The following POLR2B variants were observed in gnomAD, a reference collection of about 807,000 sequenced individuals.
POLR2B encodes the protein DNA-directed RNA polymerase II subunit RPB2.
In POLR2B, 57 loss-of-function variants were observed where a neutral mutation model predicts 144.6. The observed-to-expected ratio is 0.39, with a 90% CI of 0.32 to 0.49. The LOEUF (loss-of-function observed/expected upper bound fraction) is 0.49. POLR2B is among the 20% of genes least tolerant of loss of function. The pLI is 0.83. For synonymous variants in POLR2B, 442 were observed against 469.8 expected, an observed-to-expected ratio of 0.94 and a Z score of 0.77; for missense variants, 595 against 1,467.4, an observed-to-expected ratio of 0.41 and a Z score of 9.71.
At chr4:56,995,168 A>T in intron 5 of POLR2B, 83 bp from the exon 6 acceptor site, 1 of 1,002,476 alleles carries the variant, frequency 1.0e-6, no homozygotes, top group Non-Finnish European at 1.5e-6. Context: ...TGGTCAGATT[A>T]AATTAAGATG....
At chr4:56,989,365 A>G (rs1722439236) in intron 2 of POLR2B, among the ~76,000 whole-genome samples, 1 of 152,234 alleles carries the variant, frequency 6.6e-6, no homozygotes, top group African/African-American at 2.4e-5. Flanking sequence ...TTTCTTTCCC[A>G]TTATGTGACA....
intron 7 of POLR2B, among the ~76,000 whole-genome samples, chr4:57,000,843 G>A (rs1268132886): frequency 6.6e-6 from 1 of 151,920 alleles, no homozygotes; most frequent in East Asian, 2.0e-4. Flanking sequence ...CTACAGGCAC[G>A]TGCCACCACG....
intron 14 of POLR2B, among the ~76,000 whole-genome samples, chr4:57,016,666 A>T (rs540601409): frequency 6.6e-6 from 1 of 150,800 alleles, no homozygotes; most frequent in East Asian, 1.9e-4. Flanking sequence ...GCTGCTTTAA[A>T]TATTTATTTT....
chr4:56,985,401 G>A (rs1226133964), intron 1 of POLR2B: 3 of 985,190 alleles, frequency 3.0e-6, no homozygotes, highest in Non-Finnish European at 3.6e-6. Context: ...GTGCTGTGGC[G>A]AGGCGGGGAT....
chr4:56,996,911 A>T (rs1287807853), intron 6 of POLR2B, among the ~76,000 whole-genome samples: 1 of 151,904 alleles, frequency 6.6e-6, no homozygotes, highest in Non-Finnish European at 1.5e-5. Flanking sequence ...ATGGCAAAAC[A>T]CTTTCTCTAG....
intron 7 of POLR2B, among the ~76,000 whole-genome samples, chr4:57,001,585 T>C (rs768957371): frequency 6.6e-6 from 1 of 152,232 alleles, no homozygotes; most frequent in Non-Finnish European, 1.5e-5. Context: ...ATGCACTTTT[T>C]TGGCAGAAAA....
chr4:57,018,188 GA>G (rs1048846689), intron 16 of POLR2B, among the ~76,000 whole-genome samples: 13 of 152,160 alleles, frequency 8.5e-5, no homozygotes, highest in African/African-American at 2.9e-4. Flanking sequence ...ATTTTATTTT[GA>G]AAATGGAGAC....
intron 5 of POLR2B, 64 bp downstream of exon 5, chr4:56,994,930 G>GAAA: frequency 1.5e-5 from 11 of 728,348 alleles, no homozygotes; most frequent in South Asian, 4.1e-5. Flanking sequence ...AAGTTGAAAT[G>GAAA]AAAAAAAAAA....
intron 7 of POLR2B, among the ~76,000 whole-genome samples, chr4:57,002,381 T>C (rs920395340): frequency 2.0e-5 from 3 of 152,150 alleles, no homozygotes; most frequent in African/African-American, 7.2e-5. Context: ...TTTATGTATG[T>C]TGTCTTTTTG....
At chr4:56,985,428 GC>G in intron 1 of POLR2B, 1 of 984,898 alleles carries the variant, frequency 1.0e-6, no homozygotes, top group African/African-American at 1.7e-5. Flanking sequence ...CCCCCCCGCC[GC>G]CCCGTGGGGC....
intron 1 of POLR2B, chr4:56,985,457 G>C: frequency 1.0e-6 from 1 of 985,478 alleles, no homozygotes; most frequent in Non-Finnish European, 1.2e-6. Context: ...ACTTTCGGGC[G>C]GTGAGTGAGA....
At chr4:56,999,569 C>G (rs756610399) in intron 6 of POLR2B, 48 bp from the exon 7 acceptor site, 2 of 1,247,286 alleles carry the variant, frequency 1.6e-6, no homozygotes, top group Non-Finnish European at 2.3e-6. Context: ...TTTTATATTG[C>G]TGTGAGCTTT....
intron 23 of POLR2B, among the ~76,000 whole-genome samples, chr4:57,029,501 T>C (rs1448749258): frequency 1.3e-5 from 2 of 152,172 alleles, no homozygotes; most frequent in East Asian, 3.8e-4. Flanking sequence ...ATAAACCCAT[T>C]GGTTTTATTT....
Position 57,031,007 on chromosome 4 carries a change from C to G in POLR2B, c.*19C>G, listed in dbSNP as rs1370989812. 1 of 1,389,568 alleles carries G rather than the reference C, an allele frequency of 7.2e-7. No individual in the cohort carries two copies. Among genetic ancestry groups the G allele is most frequent in the African/African-American group, 1.4e-5 (1 of 70,502 alleles). The allele number at this position is 1,389,568 out of a possible 1,614,324, so 86.1% of individuals were successfully genotyped here. On this transcript the variant is annotated 3_prime_UTR_variant, in exon 25 of 25. Coordinates refer to ENST00000314595, the MANE Select transcript of POLR2B (RefSeq NM_000938.3). Reference sequence around the variant, plus strand: ...TGTTTAGCTATTTTACAGGAGTCAACAAGATAATTAAATATCTTGGTGTCT... The same window carrying G: ...TGTTTAGCTATTTTACAGGAGTCAAGAAGATAATTAAATATCTTGGTGTCT...
chr4:56,992,304 A>G (rs529980298), intron 3 of POLR2B, among the ~76,000 whole-genome samples: 1 of 151,316 alleles, frequency 6.6e-6, no homozygotes, highest in Admixed American at 6.6e-5. Context: ...CTCTACTAGT[A>G]AAGTACAAAA....
chr4:57,026,288 C>T (rs1401740142), intron 23 of POLR2B, among the ~76,000 whole-genome samples: 3 of 152,024 alleles, frequency 2.0e-5, no homozygotes, highest in East Asian at 3.9e-4. Flanking sequence ...CTATGTTGCC[C>T]AGGCTGGACT....
At chr4:56,995,142 T>C (rs930771471) in intron 5 of POLR2B, 109 bp from the exon 6 acceptor site, 17 of 789,744 alleles carry the variant, frequency 2.2e-5, no homozygotes, top group Non-Finnish European at 3.2e-5. Context: ...GAATTAAATA[T>C]TTCAGTGAGC....
Position 57,030,891 on chromosome 4 carries a change from C to G in POLR2B, c.3436-8C>G. The G allele has an allele frequency of 6.3e-7, 1 of 1,577,862 alleles. No individual in the cohort carries two copies. The highest frequency in any genetic ancestry group is 8.7e-7 in the Non-Finnish European group (1 of 1,147,230). ...TTCTGCTAATTACCATTTGTTTTTT[C>G]TTTTCAGATTTCTTTGGTGCGAATG... is the stretch of plus-strand genomic sequence containing the variant. On this transcript the variant is annotated splice_region_variant and splice_polypyrimidine_tract_variant and intron_variant, in intron 24 of 24. Coordinates refer to ENST00000314595, the MANE Select transcript of POLR2B (RefSeq NM_000938.3).
chr4:56,999,864 A>G, intron 7 of POLR2B, 83 bp downstream of exon 7: 1 of 962,338 alleles, frequency 1.0e-6, no homozygotes, highest in South Asian at 1.6e-5. Flanking sequence ...AACATAGTAG[A>G]AAGCTGTTCT....
Sources: gnomAD v4.1 joint callset for allele counts (sites outside exome capture counted in the v4.1 genomes callset) on GRCh38, gnomAD v4.1.1 for gene constraint, MANE v1.5 for transcripts, NCBI Gene and HGNC (gene_info 2026-07-23, HGNC 2026-07-21) for gene names.